PVR: variants seen among roughly 807,000 people sequenced by gnomAD.
PVR encodes the protein poliovirus receptor.
A neutral mutation model predicts 43.3 loss-of-function variants in PVR; 39 were observed. The ratio of observed to expected loss-of-function variants is 0.90; its 90% CI spans 0.70 to 1.18. The LOEUF is 1.18. Among genes scored for constraint, PVR ranks in the 50% most tolerant of loss-of-function variants. The probability of loss-of-function intolerance (pLI) is 0.00; values close to 1 mark genes in which losing one functional copy is unlikely to be tolerated. For synonymous variants in PVR, 224 were observed against 233.2 expected (o/e 0.96, Z 0.36); for missense variants, 480 against 549.7 (o/e 0.87, Z 1.27).
intron 1 of PVR, among the ~76,000 whole-genome samples, chr19:44,646,415 G>A (rs920330567): frequency 6.6e-6 from 1 of 152,168 alleles, no homozygotes; most frequent in Non-Finnish European, 1.5e-5. Flanking sequence ...CTAATGGCAA[G>A]TTGTGCTATA....
rs1338862068 is a variant in PVR, at chr19:44,666,054, C to G, written c.*4243C>G. On this transcript the variant is annotated 3_prime_UTR_variant, in exon 8 of 8. Coordinates refer to ENST00000425690, the MANE Select transcript of PVR (RefSeq NM_006505.5). ...AGGATGGACTCCTAGACCTCTGTTA[C>G]CAGCAGTGACTACCTCTGTCTGGGT... is the stretch of plus-strand genomic sequence containing the variant. 1 of 152,248 alleles carries G rather than the reference C, an allele frequency of 6.6e-6. No individual in the cohort carries two copies. Among genetic ancestry groups the G allele is most frequent in the African/African-American group, 2.4e-5 (1 of 41,444 alleles). 9.4% of individuals were successfully genotyped at this position (152,248 alleles called of 1,614,324 possible).
At chr19:44,652,961 G>A (rs1231964517) in intron 3 of PVR, among the ~76,000 whole-genome samples, 1 of 151,886 alleles carries the variant, frequency 6.6e-6, no homozygotes, top group African/African-American at 2.4e-5. Flanking sequence ...GTGTATTTCG[G>A]CCTGGCTATA....
In PVR at chr19:44,644,153, G is replaced by T; in HGVS notation, c.57G>T (p.Leu19=). ...TGCTGCTGGTGGCGCTACTGGTGCT[G>T]TCCTGGCCACCCCCAGGAACCGGTG... ...WPLLLVALLV[L]SWPPPGTGDV... Residue 19 remains leucine, a synonymous_variant, in exon 1 of 8, where the codon CTG becomes CTT. Coordinates refer to ENST00000425690, the MANE Select transcript of PVR (RefSeq NM_006505.5). 1 of 1,513,046 alleles carries T rather than the reference G, an allele frequency of 6.6e-7. No individual in the cohort carries two copies. 93.7% of individuals were successfully genotyped at this position (1,513,046 alleles called of 1,614,324 possible). A position where few individuals can be genotyped will look rare whatever the true frequency, so the allele number is the denominator to read the frequency against.
rs544559430 is a variant in PVR, at chr19:44,648,575, C to T, written c.427+1005C>T. 7.2e-5 allele frequency among the ~76,000 whole-genome samples: 11 copies of T among 152,044 alleles called. No individual in the cohort carries two copies. The South Asian group carries it at 2.3e-3, about 32-fold the overall frequency. ...AGTAGGTCCTCACTGCAGCCTGGAA[C>T]TCCTGGGCTCAAGGGATGTTCCTAC... is the stretch of plus-strand genomic sequence containing the variant. On this transcript the variant is annotated intron_variant, in intron 2 of 7. Coordinates refer to ENST00000425690, the MANE Select transcript of PVR (RefSeq NM_006505.5).
At position 44,661,834 on chromosome 19, in the gene PVR, G is replaced by C; in HGVS notation, c.*23G>C. ...TGACAGCGTCGGGACTGAGAGGGGAGAGAGACTGGAGCTGGCAAGGACGTG... is the reference window on the plus strand; with the variant it reads ...TGACAGCGTCGGGACTGAGAGGGGACAGAGACTGGAGCTGGCAAGGACGTG... On this transcript the variant is annotated 3_prime_UTR_variant, in exon 8 of 8. Transcript: ENST00000425690. 6.2e-7 allele frequency: 1 copy of C among 1,610,336 alleles called. No homozygotes were observed. The highest frequency in any genetic ancestry group is 2.2e-5 in the East Asian group (1 of 44,852).
rs750095811 is a variant in PVR at position 44,658,961 on chromosome 19, C to T, written c.1150+61C>T. 7 of 1,505,312 alleles carry T rather than the reference C, an allele frequency of 4.7e-6. No homozygotes were observed. The Admixed American group carries it at 1.1e-4, about 23-fold the overall frequency. 93.2% of individuals were successfully genotyped at this position (1,505,312 alleles called of 1,614,324 possible). On this transcript the variant is annotated intron_variant, in intron 6 of 7. Coordinates refer to ENST00000425690, the MANE Select transcript of PVR (RefSeq NM_006505.5). The stretch of plus-strand genomic sequence containing the variant: ...ACTACGGGCTCTGTGCTGAGTCCTT[C>T]CAGTGTGCCTCTCACTGAATCCTCA...
intron 1 of PVR, 50 bp downstream of exon 1, chr19:44,644,225 G>A (rs762327081): frequency 1.4e-6 from 2 of 1,399,260 alleles, no homozygotes; most frequent in Admixed American, 3.0e-5. Context: ...TCCCAGCTCC[G>A]CATCCAGGCC....
At chr19:44,646,662 C>T (rs958587323) in intron 1 of PVR, among the ~76,000 whole-genome samples, 2 of 152,038 alleles carry the variant, frequency 1.3e-5, no homozygotes, top group African/African-American at 2.4e-5. Flanking sequence ...ATCCCAGCTA[C>T]GCGGAAAGCT....
intron 2 of PVR, among the ~76,000 whole-genome samples, chr19:44,647,911 C>T (rs2123748961): frequency 6.6e-6 from 1 of 151,984 alleles, no homozygotes; most frequent in East Asian, 1.9e-4. Flanking sequence ...TCTTCTGGGT[C>T]CCTCCTTTCC....
chr19:44,647,085 C>T (rs1973139294), intron 1 of PVR, 138 bp from the exon 2 acceptor site: 2 of 395,086 alleles, frequency 5.1e-6, no homozygotes, highest in Admixed American at 8.4e-5. Context: ...GTTCCCCCTC[C>T]CCCCACACCC....
intron 4 of PVR, among the ~76,000 whole-genome samples, chr19:44,655,404 T>C (rs925831623): frequency 8.5e-5 from 13 of 152,172 alleles, no homozygotes; most frequent in African/African-American, 3.1e-4. Flanking sequence ...TCTTTTTCCT[T>C]ATTACAAAAA....
At chr19:44,653,014 T>C (rs1034350741) in intron 3 of PVR, among the ~76,000 whole-genome samples, 32 of 152,250 alleles carry the variant, frequency 2.1e-4, no homozygotes, top group African/African-American at 7.7e-4. Context: ...AGGTGCCATA[T>C]TGGACAGCAC....
chr19:44,648,919 T>G (rs912411081), intron 2 of PVR, among the ~76,000 whole-genome samples: 1 of 152,152 alleles, frequency 6.6e-6, no homozygotes, highest in Non-Finnish European at 1.5e-5. Flanking sequence ...GGAAGGAAGT[T>G]CCAGGTTTGG....
chr19:44,647,153 C>CTA (rs1973143841), intron 1 of PVR, 70 bp from the exon 2 acceptor site: 1 of 1,196,100 alleles, frequency 8.4e-7, no homozygotes, highest in African/African-American at 1.6e-5. Context: ...GGTGCCCGGG[C>CTA]TCCTGGAGCC....
At chr19:44,647,077 T>TCC in intron 1 of PVR, 146 bp from the exon 2 acceptor site, 57 of 311,364 alleles carry the variant, frequency 1.8e-4, no homozygotes, top group Middle Eastern at 9.7e-4. Flanking sequence ...GTGCCCCAGT[T>TCC]CCCCCTCCCC....
intron 1 of PVR, 105 bp from the exon 2 acceptor site, chr19:44,647,096 CACGGTCCACCGGGGATCCAGGG>C: frequency 7.0e-6 from 4 of 571,248 alleles, no homozygotes; most frequent in South Asian, 2.3e-5. Flanking sequence ...CCCCACACCC[CACGGTCCACCGGGGATCCAGGG>C]CCCCAGCGTG....
rs779964038 is a variant in PVR at position 44,647,486 on chromosome 19, G to C, written c.343G>C (p.Val115Leu). 2.8e-5 allele frequency: 45 copies of C among 1,613,976 alleles called. No homozygotes were observed. The highest frequency in any genetic ancestry group is 1.9e-4 in the South Asian group (17 of 91,072). Reference sequence around the variant, plus strand: ...CTCGCTGAGGATGTTCGGGTTGCGCGTAGAGGATGAAGGCAACTACACCTG... The same window carrying C: ...CTCGCTGAGGATGTTCGGGTTGCGCCTAGAGGATGAAGGCAACTACACCTG... The part of the protein sequence containing the change: ...NASLRMFGLR[V>L]EDEGNYTCLF... Residue 115 changes from valine (V) to leucine (L), a missense_variant, in exon 2 of 8, where the codon GTA (valine) becomes CTA (leucine). By Grantham distance (32) the Val-to-Leu change is conservative (BLOSUM62 1). Transcript: ENST00000425690.
At position 44,662,881 on chromosome 19, in the gene PVR, A is replaced by C. The variant is rs1488388115; in HGVS notation, c.*1070A>C. On this transcript the variant is annotated 3_prime_UTR_variant, in exon 8 of 8. Coordinates refer to ENST00000425690, the MANE Select transcript of PVR (RefSeq NM_006505.5). ...CAAGAAACAGCCACTGACCCTGGTCACCAGAGGCTGCAATTCAGGCCGCAA... is the reference window on the plus strand; with the variant it reads ...CAAGAAACAGCCACTGACCCTGGTCCCCAGAGGCTGCAATTCAGGCCGCAA... 1 of 152,192 alleles carries C rather than the reference A, an allele frequency of 6.6e-6. No individual in the cohort carries two copies. The highest frequency in any genetic ancestry group is 2.4e-5 in the African/African-American group (1 of 41,448). The allele number at this position is 152,192 out of a possible 1,614,324, so 9.4% of individuals were successfully genotyped here. A position where few individuals can be genotyped will look rare whatever the true frequency, so the allele number is the denominator to read the frequency against.
chr19:44,650,561 C>CTTT (rs869225120), intron 3 of PVR, among the ~76,000 whole-genome samples: 1 of 135,520 alleles, frequency 7.4e-6, no homozygotes, highest in African/African-American at 2.8e-5. Flanking sequence ...TCTTTCTTTC[C>CTTT]TTTTTTTTTT....
Sources: allele counts gnomAD v4.1 joint callset (sites outside exome capture counted in the v4.1 genomes callset), GRCh38; gene constraint gnomAD v4.1.1; transcripts MANE v1.5; gene names NCBI Gene and HGNC (gene_info 2026-07-23, HGNC 2026-07-21).